The following MVB12B variants were observed in gnomAD, a reference collection of about 807,000 sequenced individuals.
MVB12B encodes the protein ESCRT-I complex subunit MVB12B.
Under a neutral mutation model 41.6 loss-of-function variants are expected in MVB12B, and 16 were observed. The ratio of observed to expected loss-of-function variants is 0.38; its 90% confidence interval spans 0.26 to 0.58. The LOEUF is 0.58. Ranked by LOEUF, MVB12B falls within the 20% of genes least tolerant of loss-of-function variation. The pLI, the probability that MVB12B is intolerant of heterozygous loss-of-function variation, is 0.62. For synonymous variants in MVB12B, 133 were observed against 139.7 expected, an observed-to-expected ratio of 0.95 and a Z score of 0.34; for missense variants, 274 against 380.2, an observed-to-expected ratio of 0.72 and a Z score of 2.32.
At chr9:126,337,658 G>C (rs1377071495) in intron 1 of MVB12B, among the ~76,000 whole-genome samples, 3 of 152,184 alleles carry the variant, frequency 2.0e-5, no homozygotes, top group Non-Finnish European at 4.4e-5. Context: ...GCCTCAACTG[G>C]GAAGGAGCCT....
At chr9:126,448,843 T>C (rs1446224483) in intron 7 of MVB12B, among the ~76,000 whole-genome samples, 1 of 152,048 alleles carries the variant, frequency 6.6e-6, no homozygotes, top group African/African-American at 2.4e-5. Context: ...GCCTCCAACA[T>C]TGGGAATCAC....
At chr9:126,502,544 A>AC (rs1564355094) in intron 9 of MVB12B, among the ~76,000 whole-genome samples, 3 of 146,790 alleles carry the variant, frequency 2.0e-5, no homozygotes, top group African/African-American at 8.1e-5. Context: ...AGGTCCCCCC[A>AC]CCGGGCAGCT....
chr9:126,386,476 TA>T lies in MVB12B; in HGVS notation c.313-83del. 1 of 852,984 alleles carries T rather than the reference TA, an allele frequency of 1.2e-6. No individual in the cohort carries two copies. Among genetic ancestry groups the T allele is most frequent in the East Asian group, 2.5e-5 (1 of 39,402 alleles). 52.8% of individuals were successfully genotyped at this position (852,984 alleles called of 1,614,324 possible). ...CATAAAGCTGCACGAGTCATTGTGTTAAATATGCATCTGGAAGCCAAAATGG... is the reference window on the plus strand; with the variant it reads ...CATAAAGCTGCACGAGTCATTGTGTTAATATGCATCTGGAAGCCAAAATGG... On this transcript the variant is annotated intron_variant, in intron 3 of 9. Coordinates refer to ENST00000361171, the MANE Select transcript of MVB12B (RefSeq NM_033446.3). This position sits in a 1 kb window ranked among gnomAD's most constrained non-coding sequence, Gnocchi z 4.3.
chr9:126,401,485 A>G (rs1192290461), intron 6 of MVB12B, among the ~76,000 whole-genome samples: 4 of 152,266 alleles, frequency 2.6e-5, no homozygotes, highest in East Asian at 1.9e-4. Flanking sequence ...GATCTGTCAC[A>G]TGCATTTAGT....
chr9:126,421,521 A>G (rs1832018195), intron 6 of MVB12B, among the ~76,000 whole-genome samples: 1 of 152,186 alleles, frequency 6.6e-6, no homozygotes. Flanking sequence ...TTGCTGGTGC[A>G]TTTTGCCCAG....
intron 2 of MVB12B, among the ~76,000 whole-genome samples, chr9:126,379,052 C>G (rs1007436914): frequency 2.6e-4 from 39 of 152,184 alleles, no homozygotes; most frequent in African/African-American, 9.4e-4. Context: ...AGACACAGCT[C>G]CCTGTCTTCC....
chr9:126,494,365 G>A (rs192303157), intron 9 of MVB12B, among the ~76,000 whole-genome samples: 4 of 152,264 alleles, frequency 2.6e-5, no homozygotes, highest in South Asian at 2.1e-4. Context: ...TCTTGTTCCC[G>A]TGGTGGCCCA....
In MVB12B at chr9:126,392,288, C is replaced by T; in HGVS notation, c.539+93C>T. The T allele has an allele frequency of 1.4e-6, 2 of 1,449,382 alleles. No homozygotes were observed. Among genetic ancestry groups the T allele is most frequent in the Non-Finnish European group, 1.9e-6 (2 of 1,049,406 alleles). 89.8% of individuals were successfully genotyped at this position (1,449,382 alleles called of 1,614,324 possible). ...TGAGGTCCAAGAGATTTCCATGCAG[C>T]CCCCCAGGCTCTCAGCCATGGGCCT... is the stretch of plus-strand genomic sequence containing the variant. On this transcript the variant is annotated intron_variant, in intron 5 of 9. Transcript: ENST00000361171. The surrounding 1 kb of genome is among the most constrained non-coding windows in gnomAD (Gnocchi z 4.8).
chr9:126,437,332 G>A (rs1184408937), intron 7 of MVB12B, among the ~76,000 whole-genome samples: 2 of 152,178 alleles, frequency 1.3e-5, no homozygotes, highest in African/African-American at 4.8e-5. Flanking sequence ...ATTGAGTACA[G>A]TTTGCAAAAC....
At chr9:126,465,365 C>G (rs1332380773) in intron 7 of MVB12B, among the ~76,000 whole-genome samples, 1 of 152,160 alleles carries the variant, frequency 6.6e-6, no homozygotes, top group East Asian at 1.9e-4. Flanking sequence ...GAGCCCACCC[C>G]TCAGACCAAT....
intron 9 of MVB12B, among the ~76,000 whole-genome samples, chr9:126,493,352 G>A (rs1425637435): frequency 6.6e-6 from 1 of 152,174 alleles, no homozygotes; most frequent in Non-Finnish European, 1.5e-5. Context: ...TTTATCATAT[G>A]TAAGTGGATC....
chr9:126,426,864 C>G (rs748496953), intron 7 of MVB12B: 2 of 152,398 alleles, frequency 1.3e-5, no homozygotes, highest in Non-Finnish European at 2.9e-5. Flanking sequence ...GAAGAGCTGT[C>G]CTTCCTCATA....
chr9:126,499,137 G>A (rs1323091155), intron 9 of MVB12B, among the ~76,000 whole-genome samples: 1 of 152,180 alleles, frequency 6.6e-6, no homozygotes, highest in East Asian at 1.9e-4. Flanking sequence ...AGCTGCAGTT[G>A]GCACCTTCTA....
intron 6 of MVB12B, among the ~76,000 whole-genome samples, chr9:126,417,360 C>G (rs937580269): frequency 6.6e-6 from 1 of 152,226 alleles, no homozygotes; most frequent in Admixed American, 6.5e-5. Context: ...CACACATTGT[C>G]TATCATATAT....
At chr9:126,463,845 T>C (rs1421317834) in intron 7 of MVB12B, among the ~76,000 whole-genome samples, 1 of 152,204 alleles carries the variant, frequency 6.6e-6, no homozygotes, top group Non-Finnish European at 1.5e-5. Flanking sequence ...GGGAGTCTTT[T>C]TGAAATCTTA....
At chr9:126,481,165 G>A (rs914150142) in intron 7 of MVB12B, 24 of 597,894 alleles carry the variant, frequency 4.0e-5, no homozygotes, top group South Asian at 6.0e-5. Context: ...ATGACGAGGC[G>A]CCTGCCTCTC....
In MVB12B at chr9:126,410,144, TG is replaced by T. The variant is rs1564316129; in HGVS notation, c.663-11709del. Among the ~76,000 whole-genome samples the T allele has an allele frequency of 1.2e-3, 29 of 24,476 alleles. No homozygotes were observed. In the South Asian group the frequency reaches 0.02, roughly 17 times the overall value. The allele number at this position is 24,476 out of a possible 152,430, so 16.1% of individuals were successfully genotyped here. Reference sequence around the variant, plus strand: ...TCCAATGCACAGTGATTTGGTTTTGTGTGTGTGTGTGTGTGTGTGTGTGTGT... The same window carrying T: ...TCCAATGCACAGTGATTTGGTTTTGTTGTGTGTGTGTGTGTGTGTGTGTGT... On this transcript the variant is annotated intron_variant, in intron 6 of 9. Transcript: ENST00000361171.
intron 7 of MVB12B, among the ~76,000 whole-genome samples, chr9:126,452,202 AG>A (rs777361671): frequency 3.9e-5 from 6 of 152,250 alleles, no homozygotes; most frequent in Non-Finnish European, 7.3e-5. Context: ...CAGGGCTCCC[AG>A]GGAGAATGTG....
At chr9:126,502,683 C>T (rs555179850) in intron 9 of MVB12B, among the ~76,000 whole-genome samples, 2 of 152,282 alleles carry the variant, frequency 1.3e-5, no homozygotes, top group East Asian at 3.9e-4. Flanking sequence ...TGACCCTGGG[C>T]ACCACCTGGT....
Sources: gnomAD v4.1 joint callset for allele counts (sites outside exome capture counted in the v4.1 genomes callset) on GRCh38, gnomAD v4.1.1 for gene constraint, Gnocchi (gnomAD v3.1) non-coding constraint, MANE v1.5 for transcripts, NCBI Gene and HGNC (gene_info 2026-07-23, HGNC 2026-07-21) for gene names.